The following LRRC72 variants were observed in gnomAD, a reference collection of about 807,000 sequenced individuals.
LRRC72 encodes the protein leucine-rich repeat-containing protein 72.
LRRC72 carries 41 observed loss-of-function variants against 35.8 expected under a neutral mutation model. The observed-to-expected ratio is 1.15, with a 90% CI of 0.89 to 1.49. The LOEUF (loss-of-function observed/expected upper bound fraction) is 1.49, where lower values mean the gene tolerates loss of function less well. Among genes scored for constraint, LRRC72 ranks in the 40% most tolerant of loss-of-function variants. The pLI is 0.00. For missense variants in LRRC72, 389 were observed against 330.7 expected (o/e 1.18, Z -1.37); for synonymous variants, 118 against 119.2 (o/e 0.99, Z 0.07).
At chr7:16,549,981 G>A (rs1048874138) in intron 3 of LRRC72, among the ~76,000 whole-genome samples, 2 of 152,190 alleles carry the variant, frequency 1.3e-5, no homozygotes, top group Admixed American at 6.5e-5. Context: ...CACTTTGGGA[G>A]GCCATGATTA....
chr7:16,543,820 T>C (rs1782400077), intron 3 of LRRC72, among the ~76,000 whole-genome samples: 1 of 152,216 alleles, frequency 6.6e-6, no homozygotes, highest in Non-Finnish European at 1.5e-5. Context: ...TCCTATGAAC[T>C]TGATGAAGCC....
In LRRC72 at chr7:16,553,171, T is replaced by A. The variant is rs1782586480; in HGVS notation, c.235-4189T>A. On this transcript the variant is annotated intron_variant, in intron 3 of 8. Coordinates refer to ENST00000401542, the MANE Select transcript of LRRC72 (RefSeq NM_001195280.2). ...ACTAGGAATAAATTGATGCATCGAA[T>A]ATTTTCCAGTGCTCAATCTAATAAA... Among the ~76,000 whole-genome samples, 3 of 152,244 alleles carry A rather than the reference T, an allele frequency of 2.0e-5. No homozygotes were observed. In the South Asian group the frequency reaches 6.2e-4, roughly 31 times the overall value.
intron 3 of LRRC72, among the ~76,000 whole-genome samples, chr7:16,552,049 G>A (rs1029245352): frequency 2.6e-5 from 4 of 152,312 alleles, no homozygotes; most frequent in African/African-American, 9.6e-5. Flanking sequence ...ATAATTAATT[G>A]CTTGCATGGT....
Position 16,558,920 on chromosome 7 carries a change from C to T in LRRC72, c.348C>T (p.Leu116=). Reference sequence around the variant, plus strand: ...ATTATTTGCCTTCATTGCATATACTCCTGCTACACCACAATGAGCTAACCA... The same window carrying T: ...ATTATTTGCCTTCATTGCATATACTTCTGCTACACCACAATGAGCTAACCA... The part of the protein sequence containing the change: ...GLHYLPSLHI[L]LLHHNELTNI... The change falls in exon 5 of 9, where the codon CTC becomes CTT. Residue 116 remains leucine (L), a synonymous_variant. Transcript: ENST00000401542. The T allele has an allele frequency of 6.6e-7, 1 of 1,525,038 alleles. No individual in the cohort carries two copies. Among genetic ancestry groups the T allele is most frequent in the South Asian group, 1.2e-5 (1 of 80,328 alleles). The allele number at this position is 1,525,038 out of a possible 1,614,324, so 94.5% of individuals were successfully genotyped here.
At chr7:16,574,005 T>A (rs950733843) in intron 7 of LRRC72, among the ~76,000 whole-genome samples, 2 of 152,220 alleles carry the variant, frequency 1.3e-5, no homozygotes, top group Non-Finnish European at 2.9e-5. Flanking sequence ...GAACAGGCAC[T>A]TCTCAAAAGA....
At chr7:16,566,226 G>T (rs996222678) in intron 5 of LRRC72, 87 bp from the exon 6 acceptor site, 1 of 717,168 alleles carries the variant, frequency 1.4e-6, no homozygotes, top group Non-Finnish European at 2.0e-6. Flanking sequence ...TGTTTTATAC[G>T]AATCTCTTAA....
intron 5 of LRRC72, among the ~76,000 whole-genome samples, chr7:16,561,699 A>G (rs150432786): frequency 6.6e-6 from 1 of 152,374 alleles, no homozygotes; most frequent in African/African-American, 2.4e-5. Context: ...TCCAATTACA[A>G]AAAACAAAAA....
chr7:16,548,956 G>A (rs1187148205), intron 3 of LRRC72, among the ~76,000 whole-genome samples: 4 of 152,212 alleles, frequency 2.6e-5, no homozygotes, highest in South Asian at 2.1e-4. Flanking sequence ...TACAATAAGA[G>A]CAGAGAATTT....
intron 3 of LRRC72, among the ~76,000 whole-genome samples, chr7:16,547,975 G>C (rs1314952083): frequency 6.6e-6 from 1 of 152,208 alleles, no homozygotes; most frequent in Non-Finnish European, 1.5e-5. Context: ...GAAAACTTGT[G>C]GTACCTTTTC....
At chr7:16,532,672 A>G in intron 2 of LRRC72, 104 bp downstream of exon 2, 1 of 840,682 alleles carries the variant, frequency 1.2e-6, no homozygotes, top group East Asian at 2.7e-5. Flanking sequence ...CCCCTCAAGG[A>G]CTGGGTAGGA....
Position 16,567,551 on chromosome 7 carries a change from G to C in LRRC72, c.670+8G>C. 1 of 625,948 alleles carries C rather than the reference G, an allele frequency of 1.6e-6. No homozygotes were observed. The highest frequency in any genetic ancestry group is 2.1e-6 in the Non-Finnish European group (1 of 474,514). 38.8% of individuals were successfully genotyped at this position (625,948 alleles called of 1,614,324 possible). A position where few individuals can be genotyped will look rare whatever the true frequency, so the allele number is the denominator to read the frequency against. ...CCCAGAGAGTACCTTCAGGTATTTC[G>C]TAAAAAAAAAAAAAAAAACAAATTT... On this transcript the variant is annotated splice_region_variant and intron_variant, in intron 7 of 8. Transcript: ENST00000401542.
intron 3 of LRRC72, among the ~76,000 whole-genome samples, chr7:16,545,123 C>T (rs988253777): frequency 1.3e-5 from 2 of 152,138 alleles, no homozygotes; most frequent in African/African-American, 4.8e-5. Context: ...CACATGTATA[C>T]CTATGTAACA....
At chr7:16,545,293 C>T in intron 3 of LRRC72, among the ~76,000 whole-genome samples, 1 of 152,132 alleles carries the variant, frequency 6.6e-6, no homozygotes, top group East Asian at 1.9e-4. Flanking sequence ...GCAAATAGCA[C>T]AAATTTATGT....
At chr7:16,551,623 G>A (rs1048155071) in intron 3 of LRRC72, among the ~76,000 whole-genome samples, 3 of 152,128 alleles carry the variant, frequency 2.0e-5, no homozygotes, top group African/African-American at 7.2e-5. Flanking sequence ...CTAAAAGACT[G>A]GGTTCAGAGA....
chr7:16,566,042 G>A (rs1215062089), intron 5 of LRRC72, among the ~76,000 whole-genome samples: 1 of 152,154 alleles, frequency 6.6e-6, no homozygotes. Flanking sequence ...ATTTGTTGCA[G>A]ACTTGGGTCA....
At chr7:16,554,604 T>G (rs1782617007) in intron 3 of LRRC72, among the ~76,000 whole-genome samples, 1 of 152,146 alleles carries the variant, frequency 6.6e-6, no homozygotes, top group Non-Finnish European at 1.5e-5. Context: ...TCGGCCATTT[T>G]CTTTCTAAAA....
chr7:16,557,382 C>G lies in LRRC72; in HGVS notation c.257C>G (p.Thr86Ser), dbSNP rs1782669364. ...TAGCTCCATGGAATAACATTTCTAA[C>G]TAGAAACTATTGTCTGACAGAACTA... ...HNKLHGITFLTRNYCLTELYL... is the reference protein window; with the variant it reads ...HNKLHGITFLSRNYCLTELYL... The change falls in exon 4 of 9, where the codon ACT becomes AGT. Residue 86 changes from threonine to serine, a missense_variant. By Grantham distance (58) the Thr-to-Ser change is moderately conservative (BLOSUM62 1). Coordinates refer to ENST00000401542, the MANE Select transcript of LRRC72 (RefSeq NM_001195280.2). 7.6e-7 allele frequency: 1 copy of G among 1,323,870 alleles called. No individual in the cohort carries two copies. The highest frequency in any genetic ancestry group is 3.0e-5 in the Admixed American group (1 of 33,636). The allele number at this position is 1,323,870 out of a possible 1,614,324, so 82.0% of individuals were successfully genotyped here.
At position 16,581,473 on chromosome 7, in the gene LRRC72, C is replaced by A; in HGVS notation, c.848C>A (p.Thr283Lys). The A allele has an allele frequency of 6.5e-7, 1 of 1,547,790 alleles. No individual in the cohort carries two copies. The highest frequency in any genetic ancestry group is 8.7e-7 in the Non-Finnish European group (1 of 1,145,888). The part of the protein sequence containing the change: ...EEGTETAQML[T>K]VTLR ...GGCACAGAAACAGCTCAAATGCTCACAGTTACACTGAGATAAGCCCTGGTA... is the reference window on the plus strand; with the variant it reads ...GGCACAGAAACAGCTCAAATGCTCAAAGTTACACTGAGATAAGCCCTGGTA... Residue 283 changes from threonine to lysine, a missense_variant, in exon 9 of 9, where the codon ACA becomes AAA. Thr to Lys is a moderately conservative substitution (Grantham distance 78). Transcript: ENST00000401542.
intron 7 of LRRC72, among the ~76,000 whole-genome samples, chr7:16,577,414 A>C (rs1409891882): frequency 6.6e-6 from 1 of 152,236 alleles, no homozygotes; most frequent in Non-Finnish European, 1.5e-5. Flanking sequence ...ATCTAAATGT[A>C]AATGAAATCA....
Sources: gnomAD v4.1 joint callset for allele counts (sites outside exome capture counted in the v4.1 genomes callset) on GRCh38, gnomAD v4.1.1 for gene constraint, MANE v1.5 for transcripts, NCBI Gene and HGNC (gene_info 2026-07-23, HGNC 2026-07-21) for gene names.